Variants in GPA33 observed in about 807,000 individuals in gnomAD.
GPA33 encodes the protein cell surface A33 antigen.
In GPA33, 27 loss-of-function variants were observed where a neutral mutation model predicts 35.6. The ratio of observed to expected loss-of-function variants is 0.76; its 90% CI spans 0.56 to 1.04. The LOEUF (loss-of-function observed/expected upper bound fraction) is 1.04. Among genes scored for constraint, GPA33 ranks in the 50% least tolerant of loss-of-function variants. GPA33 has a pLI of 0.00. For missense variants in GPA33, 428 were observed against 411.9 expected, an observed-to-expected ratio of 1.04 and a Z score of -0.34; for synonymous variants, 176 against 164.0, an observed-to-expected ratio of 1.07 and a Z score of -0.56.
intron 3 of GPA33, among the ~76,000 whole-genome samples, chr1:167,066,463 G>A (rs1666594108): frequency 6.6e-6 from 1 of 152,168 alleles, no homozygotes; most frequent in Non-Finnish European, 1.5e-5. Flanking sequence ...AGGGCGGAAT[G>A]TGTCAGTTCC....
rs780198643 is a variant in GPA33, at chr1:167,069,022, A to C, written c.315T>G (p.Asp105Glu). The change falls in exon 3 of 7, where the codon GAT (aspartate) becomes GAG (glutamate). Residue 105 changes from aspartate to glutamate, a missense_variant. Transcript: ENST00000367868. ...AEQSDASITI[D>E]QLTMADNGTY... is the part of the protein sequence containing the mutation. The stretch of plus-strand genomic sequence containing the variant: ...TGCCGTTGTCAGCCATGGTCAGCTG[A>C]TCAATGGTGATGGAGGCATCGGACT... 1 of 1,613,988 alleles carries C rather than the reference A, an allele frequency of 6.2e-7. No homozygotes were observed. Among genetic ancestry groups the C allele is most frequent in the Non-Finnish European group, 8.5e-7 (1 of 1,179,824 alleles).
intron 1 of GPA33, among the ~76,000 whole-genome samples, chr1:167,089,429 T>C (rs1373289359): frequency 1.3e-5 from 2 of 152,200 alleles, no homozygotes; most frequent in Non-Finnish European, 2.9e-5. Context: ...CCAAATACAC[T>C]AAACCAAAGA....
intron 3 of GPA33, among the ~76,000 whole-genome samples, chr1:167,064,614 C>T (rs1666548350): frequency 6.6e-6 from 1 of 152,230 alleles, no homozygotes; most frequent in South Asian, 2.1e-4. Flanking sequence ...GTTGCTGCTA[C>T]TTTTTCTCTT....
chr1:167,087,171 C>T (rs1349282258), intron 1 of GPA33, among the ~76,000 whole-genome samples: 1 of 152,142 alleles, frequency 6.6e-6, no homozygotes, highest in Non-Finnish European at 1.5e-5. Context: ...AGGGTTCATC[C>T]ACAGTGACCT....
intron 1 of GPA33, among the ~76,000 whole-genome samples, chr1:167,078,870 A>G (rs919003451): frequency 2.0e-5 from 3 of 152,260 alleles, no homozygotes; most frequent in Non-Finnish European, 4.4e-5. Flanking sequence ...GAATTAAGTG[A>G]CATGAAATGG....
chr1:167,083,843 G>A (rs985831630), intron 1 of GPA33, among the ~76,000 whole-genome samples: 51 of 152,134 alleles, frequency 3.4e-4, no homozygotes, highest in African/African-American at 1.2e-3. Flanking sequence ...CACCAGGGAG[G>A]TTTCTTGGGG....
At chr1:167,062,131 A>G (rs1251415075) in intron 4 of GPA33, among the ~76,000 whole-genome samples, 1 of 152,042 alleles carries the variant, frequency 6.6e-6, no homozygotes, top group Non-Finnish European at 1.5e-5. Flanking sequence ...AATCGGATGG[A>G]CACCTTTCAG....
Position 167,068,350 on chromosome 1 carries a change from T to C in GPA33, c.415+572A>G, listed in dbSNP as rs550547397. Among the ~76,000 whole-genome samples the C allele has an allele frequency of 4.6e-5, 7 of 152,344 alleles. No individual in the cohort carries two copies. The East Asian group carries it at 1.4e-3, about 29-fold the overall frequency. ...AATGAGGATATTAAAGTAGATGATCTTTCAGATCCTTCCCAAACTATAAAT... is the reference window on the plus strand; with the variant it reads ...AATGAGGATATTAAAGTAGATGATCCTTCAGATCCTTCCCAAACTATAAAT... On this transcript the variant is annotated intron_variant, in intron 3 of 6. Coordinates refer to ENST00000367868, the MANE Select transcript of GPA33 (RefSeq NM_005814.3).
intron 3 of GPA33, 125 bp from the exon 4 acceptor site, chr1:167,063,862 A>C: frequency 1.6e-6 from 1 of 638,438 alleles, no homozygotes; most frequent in Non-Finnish European, 2.6e-6. Context: ...AGAAAACTCC[A>C]TAGTTGAGTA....
At chr1:167,079,791 T>G (rs2102199125) in intron 1 of GPA33, among the ~76,000 whole-genome samples, 1 of 152,364 alleles carries the variant, frequency 6.6e-6, no homozygotes, top group South Asian at 2.1e-4. Context: ...AATTCGCCAT[T>G]GTAGCTTTAG....
At chr1:167,064,284 CAAAAA>C (rs1242150216) in intron 3 of GPA33, among the ~76,000 whole-genome samples, 1 of 148,098 alleles carries the variant, frequency 6.8e-6, no homozygotes, top group Admixed American at 6.8e-5. Flanking sequence ...AACTCTGTCT[CAAAAA>C]AAGAAAGAAA....
Position 167,054,989 on chromosome 1 carries a change from C to G in GPA33, c.814G>C (p.Glu272Gln), listed in dbSNP as rs758558541. The G allele has an allele frequency of 6.1e-5, 98 of 1,613,996 alleles. No homozygotes were observed. The highest frequency in any genetic ancestry group is 1.6e-4 in the Middle Eastern group (1 of 6,084). ...CCAGACACTCACGGCCTTGCATCCTCCTTGTCTTCAGTGTTGTCGTCCTTC... is the reference window on the plus strand; with the variant it reads ...CCAGACACTCACGGCCTTGCATCCTGCTTGTCTTCAGTGTTGTCGTCCTTC... Reference protein sequence around the residue: ...RGKDDNTEDKEDARPNREAYE... With the variant: ...RGKDDNTEDKQDARPNREAYE... Residue 272 changes from glutamate (E) to glutamine (Q), a missense_variant, in exon 6 of 7, where the codon GAG becomes CAG. Glu to Gln is a conservative substitution (Grantham distance 29). Transcript: ENST00000367868.
intron 3 of GPA33, among the ~76,000 whole-genome samples, chr1:167,066,889 G>A (rs954426233): frequency 7.9e-5 from 12 of 152,180 alleles, no homozygotes; most frequent in African/African-American, 2.7e-4. Flanking sequence ...CACGCGTGCT[G>A]CCCCGAGGCG....
intron 2 of GPA33, among the ~76,000 whole-genome samples, chr1:167,072,607 T>A (rs1666740839): frequency 6.6e-6 from 1 of 152,180 alleles, no homozygotes; most frequent in Admixed American, 6.5e-5. Flanking sequence ...GCAGCGTTAT[T>A]TGTAGCAGCA....
intron 3 of GPA33, among the ~76,000 whole-genome samples, chr1:167,067,380 G>C (rs1166157437): frequency 3.3e-5 from 5 of 152,112 alleles, no homozygotes; most frequent in Non-Finnish European, 5.9e-5. Context: ...GGGATTACAG[G>C]CTTGAGCTAC....
chr1:167,054,838 A>G (rs1465767790), intron 6 of GPA33, 138 bp downstream of exon 6: 29 of 955,302 alleles, frequency 3.0e-5, no homozygotes, highest in Non-Finnish European at 4.4e-5. Context: ...TGGCTTGGAC[A>G]GGTCATTGTT....
chr1:167,059,836 C>T (rs1666395225), intron 4 of GPA33, among the ~76,000 whole-genome samples: 1 of 152,136 alleles, frequency 6.6e-6, no homozygotes, highest in South Asian at 2.1e-4. Context: ...GTGGAGAAGT[C>T]AGGACTTCTT....
At chr1:167,081,392 GAGA>G (rs1261679719) in intron 1 of GPA33, among the ~76,000 whole-genome samples, 1 of 152,140 alleles carries the variant, frequency 6.6e-6, no homozygotes, top group Non-Finnish European at 1.5e-5. Context: ...GGTCTCTAGG[GAGA>G]AGAAGGCAGT....
At position 167,055,014 on chromosome 1, in the gene GPA33, C is replaced by G. The variant is rs1248735496; in HGVS notation, c.789G>C (p.Gly263=). The change falls in exon 6 of 7, where the codon GGG becomes GGC. Residue 263 remains glycine (G), a synonymous_variant. Coordinates refer to ENST00000367868, the MANE Select transcript of GPA33 (RefSeq NM_005814.3). The stretch of plus-strand genomic sequence containing the variant: ...CCTTGTCTTCAGTGTTGTCGTCCTT[C>G]CCTCGGCAGCAGCAGCAGTAGATGA... ...GIIIYCCCCR[G]KDDNTEDKED... 1 of 1,614,084 alleles carries G rather than the reference C, an allele frequency of 6.2e-7. No homozygotes were observed. The highest frequency in any genetic ancestry group is 1.1e-5 in the South Asian group (1 of 91,088).
Sources: gnomAD v4.1 joint callset for allele counts (sites outside exome capture counted in the v4.1 genomes callset) on GRCh38, gnomAD v4.1.1 for gene constraint, MANE v1.5 for transcripts, NCBI Gene and HGNC (gene_info 2026-07-23, HGNC 2026-07-21) for gene names.